The following SLC12A7 variants were observed in gnomAD, a reference collection of about 807,000 sequenced individuals.
The protein encoded by SLC12A7 is solute carrier family 12 member 7, also known as K-Cl cotransporter 4.
In SLC12A7, 100 loss-of-function variants were observed where a neutral mutation model predicts 120.6. The ratio of observed to expected loss-of-function variants is 0.83; its 90% CI spans 0.71 to 0.98. The LOEUF (loss-of-function observed/expected upper bound fraction) is 0.98. SLC12A7 is among the 50% of genes least tolerant of loss of function. The pLI, the probability that SLC12A7 is intolerant of heterozygous loss-of-function variation, is 0.00. For synonymous variants in SLC12A7, 760 were observed against 678.0 expected (o/e 1.12, Z -1.88); for missense variants, 1,373 against 1,548.1 (o/e 0.89, Z 1.90).
chr5:1,065,552 C>A (rs1736958096), intron 17 of SLC12A7, 74 bp from the exon 18 acceptor site: 2 of 1,305,068 alleles, frequency 1.5e-6, no homozygotes, highest in Admixed American at 5.0e-5. Context: ...CCCACGGTGG[C>A]CAGGGCACCC....
intron 1 of SLC12A7, among the ~76,000 whole-genome samples, chr5:1,110,582 T>G (rs1579449296): frequency 1.3e-5 from 2 of 152,312 alleles, no homozygotes; most frequent in East Asian, 3.9e-4. Context: ...AAGAAGAGGC[T>G]CCTTCTGAGT....
rs759112587 is a variant in SLC12A7, at chr5:1,075,233, G to A, written c.1967+138C>T. The A allele has an allele frequency of 3.5e-5, 43 of 1,242,354 alleles. No homozygotes were observed. The Admixed American group carries it at 7.6e-4, about 22-fold the overall frequency. 77.0% of individuals were successfully genotyped at this position (1,242,354 alleles called of 1,614,324 possible). On this transcript the variant is annotated intron_variant, in intron 15 of 23. Coordinates refer to ENST00000264930, the MANE Select transcript of SLC12A7 (RefSeq NM_006598.3). ...CTTTCACAACACAGCCCACCTGGAC[G>A]TGCTCCCAGCTGCCCCTGTGAGGGC...
intron 14 of SLC12A7, 146 bp from the exon 15 acceptor site, chr5:1,075,636 G>A: frequency 7.8e-7 from 1 of 1,285,436 alleles, no homozygotes; most frequent in Non-Finnish European, 1.0e-6. Context: ...GACCATGGCT[G>A]TACTCAACCA....
In SLC12A7 at chr5:1,052,352, G is replaced by A. The variant is rs1408269388; in HGVS notation, c.*8C>T. The stretch of plus-strand genomic sequence containing the variant: ...GCCTGTCCCAGAGTGCCGTGATGCT[G>A]TTGGGCATTAGGAGTAGATGGTGAT... On this transcript the variant is annotated 3_prime_UTR_variant, in exon 24 of 24. Transcript: ENST00000264930. The A allele has an allele frequency of 1.2e-6, 2 of 1,610,888 alleles. No homozygotes were observed. Among genetic ancestry groups the A allele is most frequent in the African/African-American group, 1.3e-5 (1 of 75,008 alleles).
At position 1,067,893 on chromosome 5, in the gene SLC12A7, C is replaced by CGGGGACCCTGTTATCACAAGTCAGCACT. The variant is rs1561048447; in HGVS notation, c.2242-2416_2242-2415insAGTGCTGACTTGTGATAACAGGGTCCCC. Reference sequence around the variant, plus strand: ...GGACCCTGTTATCACAAGTCAGCACCGTGTCGGGGACCCTGTTATCACAAG... The same window carrying CGGGGACCCTGTTATCACAAGTCAGCACT: ...GGACCCTGTTATCACAAGTCAGCACCGGGGACCCTGTTATCACAAGTCAGCACTGTGTCGGGGACCCTGTTATCACAAG... On this transcript the variant is annotated intron_variant, in intron 17 of 23. Transcript: ENST00000264930. 2.4e-3 allele frequency among the ~76,000 whole-genome samples: 147 copies of CGGGGACCCTGTTATCACAAGTCAGCACT among 60,560 alleles called. 2 individuals are homozygous for CGGGGACCCTGTTATCACAAGTCAGCACT. The highest frequency in any genetic ancestry group is 0.013 in the Middle Eastern group (1 of 78). 39.7% of individuals were successfully genotyped at this position (60,560 alleles called of 152,430 possible).
chr5:1,114,680 G>A (rs1743245816), upstream of SLC12A7, among the ~76,000 whole-genome samples: 1 of 152,162 alleles, frequency 6.6e-6, no homozygotes, highest in Non-Finnish European at 1.5e-5. Context: ...ATCTTTCGGT[G>A]CAGGCCTCTG....
the SLC12A7 span, among the ~76,000 whole-genome samples, chr5:1,149,767 A>C: frequency 1.3e-5 from 2 of 151,972 alleles, no homozygotes; most frequent in African/African-American, 2.4e-5. Flanking sequence ...GGTGGTTCAC[A>C]TCTGTTATCC....
At chr5:1,099,449 TCCACCTCCTCCGGGGGACGGCAGGG>T in intron 1 of SLC12A7, among the ~76,000 whole-genome samples, 7 of 141,330 alleles carry the variant, frequency 5.0e-5, no homozygotes, top group African/African-American at 2.2e-4. Flanking sequence ...CCCGACCCAG[TCCACCTCCTCCGGGGGACGGCAGGG>T]CCCGACCCAG....
intron 3 of SLC12A7, among the ~76,000 whole-genome samples, chr5:1,089,758 A>G (rs1267792560): frequency 3.9e-5 from 6 of 152,194 alleles, no homozygotes; most frequent in Non-Finnish European, 7.4e-5. Flanking sequence ...AGAGGGGGAC[A>G]CACCCTGTGC....
chr5:1,139,240 G>A, the SLC12A7 span, among the ~76,000 whole-genome samples: 4 of 152,252 alleles, frequency 2.6e-5, no homozygotes, highest in Non-Finnish European at 4.4e-5. Context: ...CACGGCAGCC[G>A]GCTGGGATCC....
chr5:1,112,032 C>G lies in SLC12A7; in HGVS notation c.-41G>C. 1.6e-6 allele frequency: 2 copies of G among 1,227,364 alleles called. No individual in the cohort carries two copies. The highest frequency in any genetic ancestry group is 2.0e-6 in the Non-Finnish European group (2 of 983,358). The allele number at this position is 1,227,364 out of a possible 1,614,324, so 76.0% of individuals were successfully genotyped here. A position where few individuals can be genotyped will look rare whatever the true frequency, so the allele number is the denominator to read the frequency against. On this transcript the variant is annotated 5_prime_UTR_variant, in exon 1 of 24. Coordinates refer to ENST00000264930, the MANE Select transcript of SLC12A7 (RefSeq NM_006598.3). ...ACAGTCCCCGTCCCGGCCCGGCCCGCGCTGCGCCGCTCCCGCCGACGCCAC... is the reference window on the plus strand; with the variant it reads ...ACAGTCCCCGTCCCGGCCCGGCCCGGGCTGCGCCGCTCCCGCCGACGCCAC...
chr5:1,117,794 G>A, the SLC12A7 span, among the ~76,000 whole-genome samples: 870 of 152,304 alleles, frequency 5.7e-3, 6 homozygotes, highest in Middle Eastern at 0.027. This position sits in a 1 kb window ranked among gnomAD's most constrained non-coding sequence, Gnocchi z 4.5. Context: ...GATCCCTGCC[G>A]GGCGCGGTAG....
At chr5:1,053,311 G>A (rs1284126715) in intron 23 of SLC12A7, 38 bp downstream of exon 23, 1 of 1,601,338 alleles carries the variant, frequency 6.2e-7, no homozygotes, top group South Asian at 1.1e-5. Flanking sequence ...ACCAGGGGGT[G>A]CCCGCACGCT....
chr5:1,108,110 A>G (rs1742676447), intron 1 of SLC12A7, among the ~76,000 whole-genome samples: 2 of 152,204 alleles, frequency 1.3e-5, no homozygotes, highest in South Asian at 2.1e-4. Context: ...GTGTACATAT[A>G]TGTGCACATA....
chr5:1,061,030 C>T lies in SLC12A7; in HGVS notation c.2740-579G>A, dbSNP rs375214248. On this transcript the variant is annotated intron_variant, in intron 20 of 23. Transcript: ENST00000264930. ...ATCCCTGAGTCTCACCCGCCGCACC[C>T]GCCGTGCGGGATCCCTGAGTCTCAC... Among the ~76,000 whole-genome samples, 689 of 137,446 alleles carry T rather than the reference C, an allele frequency of 5.0e-3. 11 individuals carry two copies. The highest frequency in any genetic ancestry group is 0.018 in the African/African-American group (641 of 34,958). The allele number at this position is 137,446 out of a possible 152,430, so 90.2% of individuals were successfully genotyped here. A position where few individuals can be genotyped will look rare whatever the true frequency, so the allele number is the denominator to read the frequency against.
At chr5:1,079,376 G>A (rs377348460) in intron 10 of SLC12A7, 22 bp downstream of exon 10, 40 of 1,588,212 alleles carry the variant, frequency 2.5e-5, no homozygotes, top group Admixed American at 2.2e-4. Context: ...TGGAACCCTC[G>A]CCTGCACCCC....
At chr5:1,094,454 G>T (rs1440399189) in intron 1 of SLC12A7, among the ~76,000 whole-genome samples, 1 of 152,160 alleles carries the variant, frequency 6.6e-6, no homozygotes, top group Non-Finnish European at 1.5e-5. Flanking sequence ...GTGCACGCTA[G>T]TCCCAGGACA....
chr5:1,063,927 C>G lies in SLC12A7; in HGVS notation c.2656G>C (p.Asp886His), dbSNP rs762100587. 15 of 1,612,492 alleles carry G rather than the reference C, an allele frequency of 9.3e-6. No homozygotes were observed. In the Admixed American group the frequency reaches 1.3e-4, roughly 14 times the overall value. The change falls in exon 20 of 24, where the codon GAC becomes CAC. Residue 886 changes from aspartate (D) to histidine (H), a missense_variant. Physicochemically the swap from Asp to His is moderately conservative, Grantham distance 81. Coordinates refer to ENST00000264930, the MANE Select transcript of SLC12A7 (RefSeq NM_006598.3). ...TCCTTCTTCATCTGGATGCTGTTGT[C>G]GTCCACCTGGGCCACGGTGAAGATA... ...MRIFTVAQVD[D>H]NSIQMKKDLQ...
At chr5:1,144,429 C>T in the SLC12A7 span, among the ~76,000 whole-genome samples, 7 of 152,344 alleles carry the variant, frequency 4.6e-5, no homozygotes, top group Admixed American at 2.6e-4. Flanking sequence ...GCTCCCAGGC[C>T]GCCGCCACTG....
Sources: gnomAD v4.1 joint callset for allele counts (sites outside exome capture counted in the v4.1 genomes callset) on GRCh38, gnomAD v4.1.1 for gene constraint, Gnocchi (gnomAD v3.1) non-coding constraint, MANE v1.5 for transcripts, NCBI Gene and HGNC (gene_info 2026-07-23, HGNC 2026-07-21) for gene names.